SLC17A2: variants seen among roughly 807,000 people sequenced by gnomAD.
SLC17A2 encodes solute carrier family 17 member 2.
In SLC17A2, 38 loss-of-function variants were observed where a neutral mutation model predicts 52.1. The observed-to-expected ratio is 0.73, with a 90% CI of 0.56 to 0.96. The LOEUF is 0.96. SLC17A2 is among the 40% of genes least tolerant of loss of function. The pLI, the probability that SLC17A2 is intolerant of heterozygous loss-of-function variation, is 0.00. For missense variants in SLC17A2, 508 were observed against 583.9 expected (o/e 0.87, Z 1.34); for synonymous variants, 226 against 211.9 (o/e 1.07, Z -0.58).
chr6:25,926,913 A>G (rs1185703946), intron 1 of SLC17A2, among the ~76,000 whole-genome samples: 1 of 152,288 alleles, frequency 6.6e-6, no homozygotes, highest in East Asian at 1.9e-4. Flanking sequence ...CTAAAAATAC[A>G]AAAACAGCCG....
intron 2 of SLC17A2, among the ~76,000 whole-genome samples, chr6:25,924,279 G>A (rs944809224): frequency 2.0e-5 from 3 of 152,174 alleles, no homozygotes; most frequent in African/African-American, 4.8e-5. Context: ...TCCCTGGGCT[G>A]TAAGTGAATA....
chr6:25,922,238 G>A (rs1421234106), intron 3 of SLC17A2, among the ~76,000 whole-genome samples: 1 of 152,014 alleles, frequency 6.6e-6, no homozygotes, highest in Non-Finnish European at 1.5e-5. Flanking sequence ...ATAAAACAGA[G>A]ACTTTGAGAG....
At chr6:25,929,259 TAGGGCTTTCACTGTTTC>T (rs1173351585) in intron 1 of SLC17A2, among the ~76,000 whole-genome samples, 1 of 152,212 alleles carries the variant, frequency 6.6e-6, no homozygotes, top group Non-Finnish European at 1.5e-5. Flanking sequence ...CAAAAACTCT[TAGGGCTTTCACTGTTTC>T]ATAGGAAGAA....
chr6:25,926,447 A>G (rs1378468637), intron 1 of SLC17A2, among the ~76,000 whole-genome samples: 3 of 152,220 alleles, frequency 2.0e-5, no homozygotes, highest in Non-Finnish European at 4.4e-5. Flanking sequence ...GCTACACACA[A>G]TGTGGACACT....
At chr6:25,914,027 T>C (rs1766205886) in intron 11 of SLC17A2, among the ~76,000 whole-genome samples, 1 of 152,214 alleles carries the variant, frequency 6.6e-6, no homozygotes, top group Non-Finnish European at 1.5e-5. Flanking sequence ...TCTTTGTAAG[T>C]TGGTTCTCGT....
rs375123254 is a variant in SLC17A2 at position 25,915,783 on chromosome 6, C to T, written c.1016G>A (p.Arg339Lys). The T allele has an allele frequency of 3.1e-6, 5 of 1,614,038 alleles. No homozygotes were observed. The African/African-American group carries it at 5.3e-5, about 17-fold the overall frequency. Reference protein sequence around the residue: ...GGQLADFLLSRNLLRLITVRK... With the variant: ...GGQLADFLLSKNLLRLITVRK... Reference sequence around the variant, plus strand: ...CACAGTGATCAATCTGAGAAGATTCCTGGACAAAAGGAAATCTGCCAGCTG... The same window carrying T: ...CACAGTGATCAATCTGAGAAGATTCTTGGACAAAAGGAAATCTGCCAGCTG... The change falls in exon 9 of 12, where the codon AGG (arginine) becomes AAG (lysine). Residue 339 changes from arginine to lysine, a missense_variant. By Grantham distance (26) the Arg-to-Lys change is conservative. Coordinates refer to ENST00000377850, the MANE Select transcript of SLC17A2 (RefSeq NM_001286123.3).
At chr6:25,925,653 C>G (rs1478223024) in intron 2 of SLC17A2, 116 bp downstream of exon 2, 1 of 977,908 alleles carries the variant, frequency 1.0e-6, no homozygotes, top group African/African-American at 1.6e-5. Flanking sequence ...GAGCTGGCTC[C>G]AATGTTACAC....
chr6:25,916,876 A>G (rs765007854), intron 7 of SLC17A2, 30 bp from the exon 8 acceptor site: 52 of 1,613,742 alleles, frequency 3.2e-5, no homozygotes, highest in Non-Finnish European at 4.2e-5. Context: ...CAGCATGAGT[A>G]TTAGAGCAGC....
At chr6:25,928,131 C>T (rs149147372) in intron 1 of SLC17A2, among the ~76,000 whole-genome samples, 2 of 152,042 alleles carry the variant, frequency 1.3e-5, no homozygotes, top group Middle Eastern at 3.4e-3. Context: ...AGAAAATTTG[C>T]GTAGAAAATT....
chr6:25,917,200 T>C (rs1766359529), intron 6 of SLC17A2, 113 bp from the exon 7 acceptor site: 2 of 758,004 alleles, frequency 2.6e-6, no homozygotes, highest in Non-Finnish European at 4.6e-6. Context: ...TAATGCTTAT[T>C]CTACCATAAG....
intron 1 of SLC17A2, among the ~76,000 whole-genome samples, chr6:25,927,078 CA>C (rs1766794275): frequency 6.6e-6 from 1 of 151,952 alleles, no homozygotes; most frequent in Non-Finnish European, 1.5e-5. Flanking sequence ...AACAAACAAA[CA>C]AAAAAACACA....
At position 25,916,802 on chromosome 6, in the gene SLC17A2, T is replaced by C; in HGVS notation, c.813A>G (p.Thr271=). Residue 271 remains threonine, a synonymous_variant, in exon 8 of 12, where the codon ACA becomes ACG. Coordinates refer to ENST00000377850, the MANE Select transcript of SLC17A2 (RefSeq NM_001286123.3). ...GGAAAATGGCCCAAAGTGGTAGGCATGTGACCATCGCCTTTATGGGGACAG... is the reference window on the plus strand; with the variant it reads ...GGAAAATGGCCCAAAGTGGTAGGCACGTGACCATCGCCTTTATGGGGACAG... ...GRAVPIKAMV[T]CLPLWAIFLG... The C allele has an allele frequency of 1.2e-6, 2 of 1,614,094 alleles. No individual in the cohort carries two copies. The highest frequency in any genetic ancestry group is 1.3e-5 in the African/African-American group (1 of 75,022).
At position 25,914,938 on chromosome 6, in the gene SLC17A2, C is replaced by T. The variant is rs564038537; in HGVS notation, c.1212-268G>A. Among the ~76,000 whole-genome samples the T allele has an allele frequency of 3.3e-5, 5 of 151,728 alleles. No individual in the cohort carries two copies. In the East Asian group the frequency reaches 5.8e-4, roughly 18 times the overall value. ...TCAGTGGAGAAGCCAGTTTGTGCAA[C>T]GGGCAGGACACAGACTCCAAAGCCA... On this transcript the variant is annotated intron_variant, in intron 10 of 11. Transcript: ENST00000377850.
Position 25,923,744 on chromosome 6 carries a change from G to T in SLC17A2, c.191C>A (p.Ala64Glu), listed in dbSNP as rs139415978. 6.1e-5 allele frequency: 99 copies of T among 1,614,166 alleles called. No homozygotes were observed. In the East Asian group the frequency reaches 1.5e-3, roughly 24 times the overall value. The stretch of plus-strand genomic sequence containing the variant: ...TATGCTGGAGTTATTGAAGGCATCT[G>T]CAACAGGCCCCTCAGTGGAGGCATT... The part of the protein sequence containing the change: ...LSNASTEGPV[A>E]DAFNNSSISI... The change falls in exon 3 of 12, where the codon GCA (alanine) becomes GAA (glutamate). Residue 64 changes from alanine to glutamate, a missense_variant. Physicochemically the swap from Ala to Glu is moderately radical, Grantham distance 107. Coordinates refer to ENST00000377850, the MANE Select transcript of SLC17A2 (RefSeq NM_001286123.3).
chr6:25,924,010 G>C, intron 2 of SLC17A2, 104 bp from the exon 3 acceptor site: 2 of 872,000 alleles, frequency 2.3e-6, no homozygotes, highest in Non-Finnish European at 3.5e-6. Flanking sequence ...GACACATGAA[G>C]TCTCATTGTC....
chr6:25,916,580 G>T, intron 8 of SLC17A2, 105 bp downstream of exon 8: 1 of 938,018 alleles, frequency 1.1e-6, no homozygotes. Context: ...CATTGTGAAG[G>T]TTAAATTAAT....
intron 8 of SLC17A2, 144 bp downstream of exon 8, chr6:25,916,541 G>C (rs1766323836): frequency 1.4e-6 from 1 of 709,170 alleles, no homozygotes; most frequent in Non-Finnish European, 2.3e-6. Context: ...TCTGTGAAAA[G>C]GGAATTATAA....
chr6:25,916,332 C>T (rs1002082816), intron 8 of SLC17A2, among the ~76,000 whole-genome samples: 3 of 152,162 alleles, frequency 2.0e-5, no homozygotes, highest in Non-Finnish European at 2.9e-5. Flanking sequence ...CTGCCTGCCT[C>T]GGCCTCCCAA....
intron 3 of SLC17A2, among the ~76,000 whole-genome samples, chr6:25,922,327 G>T (rs919136630): frequency 6.6e-6 from 1 of 152,178 alleles, no homozygotes; most frequent in African/African-American, 2.4e-5. Context: ...ATGATTTGTA[G>T]AAAGTCAAAA....
Sources: allele counts gnomAD v4.1 joint callset (sites outside exome capture counted in the v4.1 genomes callset), GRCh38; gene constraint gnomAD v4.1.1; transcripts MANE v1.5; gene names NCBI Gene and HGNC (gene_info 2026-07-23, HGNC 2026-07-21).